Variants in CAPRIN2 observed in about 807,000 individuals in gnomAD.
The protein encoded by CAPRIN2 is caprin family member 2.
Under a neutral mutation model 130.4 loss-of-function variants are expected in CAPRIN2, and 66 were observed. The ratio of observed to expected loss-of-function variants is 0.51; its 90% CI spans 0.42 to 0.62. The LOEUF is 0.62. Ranked by LOEUF, CAPRIN2 falls within the 20% of genes least tolerant of loss-of-function variation. The probability of loss-of-function intolerance (pLI) is 0.00; values close to 1 mark genes in which losing one functional copy is unlikely to be tolerated. For missense variants in CAPRIN2, 1,185 were observed against 1,246.6 expected (o/e 0.95, Z 0.74); for synonymous variants, 471 against 444.1 (o/e 1.06, Z -0.76).
chr12:30,732,644 G>A (rs1461725859), intron 5 of CAPRIN2, among the ~76,000 whole-genome samples: 1 of 152,002 alleles, frequency 6.6e-6, no homozygotes, highest in East Asian at 1.9e-4. Flanking sequence ...CTTACAATAT[G>A]TACTCATTTT....
At chr12:30,745,950 G>C (rs1374344940) in intron 2 of CAPRIN2, among the ~76,000 whole-genome samples, 1 of 152,128 alleles carries the variant, frequency 6.6e-6, no homozygotes, top group Admixed American at 6.5e-5. Context: ...GATTTTCAAT[G>C]AAGTTTTTAA....
intron 3 of CAPRIN2, among the ~76,000 whole-genome samples, chr12:30,740,671 T>C (rs1251873640): frequency 2.6e-5 from 4 of 152,222 alleles, no homozygotes; most frequent in Non-Finnish European, 5.9e-5. Flanking sequence ...TTATATAAAT[T>C]TACAAGCCTA....
intron 1 of CAPRIN2, 104 bp from the exon 3 acceptor site, chr12:30,751,237 G>C (rs1052004688): frequency 1.2e-6 from 1 of 866,668 alleles, no homozygotes; most frequent in Non-Finnish European, 2.0e-6. Context: ...CTTGAAGTAA[G>C]CTATCAATCT....
At chr12:30,734,781 T>C (rs567597267) in intron 4 of CAPRIN2, among the ~76,000 whole-genome samples, 187 bp downstream of exon 5, 2 of 151,992 alleles carry the variant, frequency 1.3e-5, no homozygotes, top group Non-Finnish European at 2.9e-5. Context: ...CCTGTCAGAC[T>C]CTGGGCCAGC....
At chr12:30,709,990 T>C (rs763263714) in exon 17 of CAPRIN2, 1 of 1,614,172 alleles carries the variant, frequency 6.2e-7, no homozygotes, top group Non-Finnish European at 8.5e-7. Context: ...TAACCATATC[T>C]GGTCTCCCTG....
Position 30,751,498 on chromosome 12 carries a change from T to G in CAPRIN2, c.421-365A>C, listed in dbSNP as rs540214049. 54 of 217,060 alleles carry G rather than the reference T, an allele frequency of 2.5e-4. No homozygotes were observed. The South Asian group carries it at 3.2e-3, about 13-fold the overall frequency. 13.4% of individuals were successfully genotyped at this position (217,060 alleles called of 1,614,324 possible). On this transcript the variant is annotated intron_variant, in intron 1 of 16. Coordinates refer to ENST00000298892, the Ensembl canonical transcript of CAPRIN2. ...TGTCCCCCAAAGATACCTGGCAATATCTAGGGATATTTTTGGTTATCACAA... is the reference window on the plus strand; with the variant it reads ...TGTCCCCCAAAGATACCTGGCAATAGCTAGGGATATTTTTGGTTATCACAA...
intron 13 of CAPRIN2, chr12:30,715,844 T>C (rs2057375086): frequency 6.2e-6 from 1 of 162,230 alleles, no homozygotes; most frequent in Non-Finnish European, 1.3e-5. Flanking sequence ...TCAGGTCATC[T>C]ATGCCTAGGT....
chr12:30,739,788 A>G (rs1461678130), intron 3 of CAPRIN2, among the ~76,000 whole-genome samples: 9 of 152,208 alleles, frequency 5.9e-5, no homozygotes, highest in African/African-American at 2.2e-4. Context: ...TGGACTATTT[A>G]TAGCAACTTC....
chr12:30,741,103 C>G (rs372893587), exon 3 of CAPRIN2: 10 of 1,591,400 alleles, frequency 6.3e-6, no homozygotes, highest in Non-Finnish European at 8.6e-6. Flanking sequence ...TTCTCTACAG[C>G]TTCCTACCAA....
chr12:30,709,785 T>G, exon 17 of CAPRIN2: 1 of 1,199,678 alleles, frequency 8.3e-7, no homozygotes, highest in Non-Finnish European at 1.1e-6. Context: ...AAGGACCTCC[T>G]CCCTCTAGGA....
chr12:30,728,859 T>G (rs763128989), exon 8 of CAPRIN2: 7 of 1,614,016 alleles, frequency 4.3e-6, no homozygotes, highest in Non-Finnish European at 5.9e-6. Context: ...CTTGGTGGTG[T>G]TCTGTTCGCT....
exon 8 of CAPRIN2, chr12:30,729,036 G>A: frequency 1.2e-6 from 2 of 1,614,136 alleles, no homozygotes; most frequent in Non-Finnish European, 1.7e-6. Context: ...AGATGGCTTG[G>A]ATTTGGAGAT....
At chr12:30,730,476 A>G (rs966867212) in intron 6 of CAPRIN2, among the ~76,000 whole-genome samples, 194 bp from the exon 8 acceptor site, 2 of 152,200 alleles carry the variant, frequency 1.3e-5, no homozygotes, top group African/African-American at 4.8e-5. Flanking sequence ...GGCTAGTTCA[A>G]ACTAGTAGCT....
chr12:30,722,698 A>T lies in CAPRIN2; in HGVS notation c.2043+561T>A, dbSNP rs1386103514. On this transcript the variant is annotated intron_variant, in intron 11 of 16. Coordinates refer to ENST00000298892, the Ensembl canonical transcript of CAPRIN2. ...GGTGGATCACGAGGTCAGGAGCTCA[A>T]GACCAGCCTGGCCAAGATGGTGAAA... Among the ~76,000 whole-genome samples, 3 of 152,180 alleles carry T rather than the reference A, an allele frequency of 2.0e-5. No homozygotes were observed. In the East Asian group the frequency reaches 5.8e-4, roughly 29 times the overall value.
At chr12:30,713,163 T>A (rs2055864909) in intron 15 of CAPRIN2, among the ~76,000 whole-genome samples, 1 of 152,184 alleles carries the variant, frequency 6.6e-6, no homozygotes, top group Non-Finnish European at 1.5e-5. Context: ...ATACACATAC[T>A]CAAAAGCTTG....
At chr12:30,726,007 C>T (rs199620402) in exon 9 of CAPRIN2, 1 of 1,600,684 alleles carries the variant, frequency 6.2e-7, no homozygotes, top group South Asian at 1.1e-5. Flanking sequence ...GTCATCAGAT[C>T]CTGCAGTTTT....
chr12:30,710,341 G>A lies in CAPRIN2; in HGVS notation c.2795C>T (p.Ala932Val). 1 of 1,614,162 alleles carries A rather than the reference G, an allele frequency of 6.2e-7. No individual in the cohort carries two copies. The highest frequency in any genetic ancestry group is 8.5e-7 in the Non-Finnish European group (1 of 1,180,028). Residue 932 changes from alanine (A) to valine (V), a missense_variant, in exon 17 of 17, where the codon GCC becomes GTC. This residue lies in a region of CAPRIN2 where 1,104 missense variants were observed against 1,104.3 expected (regional missense o/e 1.00). Transcript: ENST00000298892. This position sits in a 1 kb window ranked among gnomAD's most constrained non-coding sequence, Gnocchi z 4.8. ...GTAGACGTGTACTGGCAGTATGGTG[G>A]CTGCTGGATTTGTCACTGGCACATC... is the stretch of plus-strand genomic sequence containing the variant.
At chr12:30,721,295 C>T (rs770116093) in intron 11 of CAPRIN2, among the ~76,000 whole-genome samples, 2 of 152,202 alleles carry the variant, frequency 1.3e-5, no homozygotes, top group Admixed American at 6.5e-5. Flanking sequence ...ATAGCATTCA[C>T]GGGAAGGTGA....
exon 1 of CAPRIN2, chr12:30,754,428 C>G (rs189406055): frequency 6.5e-6 from 1 of 152,846 alleles, no homozygotes; most frequent in Non-Finnish European, 1.5e-5. Context: ...CCCATGCACG[C>G]CAGCGCGCAC....
Sources: gnomAD v4.1 joint callset for allele counts (sites outside exome capture counted in the v4.1 genomes callset) on GRCh38, gnomAD v4.1.1 for gene constraint, gnomAD v4.1.1 regional missense constraint, Gnocchi (gnomAD v3.1) non-coding constraint, MANE v1.5 for transcripts, NCBI Gene and HGNC (gene_info 2026-07-23, HGNC 2026-07-21) for gene names.